SLC39A9: variants seen among roughly 807,000 people sequenced by gnomAD.
The protein encoded by SLC39A9 is zinc transporter ZIP9.
SLC39A9 carries 14 observed loss-of-function variants against 28.4 expected under a neutral mutation model. The observed-to-expected ratio is 0.49, with a 90% CI of 0.33 to 0.77. The LOEUF (loss-of-function observed/expected upper bound fraction) is 0.77. Ranked by LOEUF, SLC39A9 falls within the 30% of genes least tolerant of loss-of-function variation. The pLI is 0.02. For missense variants in SLC39A9, 283 were observed against 381.1 expected (o/e 0.74, Z 2.14); for synonymous variants, 119 against 149.6 (o/e 0.80, Z 1.49).
At chr14:69,442,374 C>T (rs1472413327) in intron 3 of SLC39A9, 108 bp downstream of exon 3, 4 of 1,052,200 alleles carry the variant, frequency 3.8e-6, no homozygotes, top group South Asian at 3.0e-5. Flanking sequence ...AGTGCTAAAA[C>T]TCTTGTCTTC....
At chr14:69,403,996 T>C (rs923644893) in intron 1 of SLC39A9, among the ~76,000 whole-genome samples, 2 of 152,118 alleles carry the variant, frequency 1.3e-5, no homozygotes, top group Non-Finnish European at 2.9e-5. Flanking sequence ...TGAACCAACA[T>C]TGCGCCATTG....
At chr14:69,415,330 T>G (rs1011465971) in intron 1 of SLC39A9, among the ~76,000 whole-genome samples, 1 of 152,242 alleles carries the variant, frequency 6.6e-6, no homozygotes, top group Admixed American at 6.5e-5. Context: ...TTAATGGGTA[T>G]GAAAAGGTAT....
At chr14:69,451,750 C>T (rs1450208545) in intron 3 of SLC39A9, among the ~76,000 whole-genome samples, 1 of 152,134 alleles carries the variant, frequency 6.6e-6, no homozygotes, top group Admixed American at 6.6e-5. Flanking sequence ...AGGTCTTGCT[C>T]TGTCACCCGG....
At chr14:69,428,361 G>T (rs1229215048) in intron 2 of SLC39A9, among the ~76,000 whole-genome samples, 2 of 151,932 alleles carry the variant, frequency 1.3e-5, no homozygotes, top group Non-Finnish European at 1.5e-5. Flanking sequence ...GAAGGGACAA[G>T]ATGATGTTGA....
At chr14:69,456,344 C>A (rs1022207627) in intron 6 of SLC39A9, among the ~76,000 whole-genome samples, 5 of 152,170 alleles carry the variant, frequency 3.3e-5, no homozygotes, top group Non-Finnish European at 7.3e-5. Flanking sequence ...AAGGGAACAA[C>A]ATACTGCTCA....
intron 5 of SLC39A9, among the ~76,000 whole-genome samples, chr14:69,455,461 G>A (rs1016364873): frequency 6.6e-6 from 1 of 151,974 alleles, no homozygotes; most frequent in East Asian, 1.9e-4. Flanking sequence ...CAAGTAGCTG[G>A]GATTACAGGT....
intron 1 of SLC39A9, among the ~76,000 whole-genome samples, chr14:69,412,144 C>CT (rs934794813): frequency 2.6e-4 from 40 of 151,668 alleles, no homozygotes; most frequent in Non-Finnish European, 5.3e-4. Flanking sequence ...AATCCCAGCA[C>CT]TTTGGGAGGC....
chr14:69,442,031 A>G (rs1405763903), intron 2 of SLC39A9, 38 bp from the exon 3 acceptor site: 1 of 1,591,164 alleles, frequency 6.3e-7, no homozygotes, highest in African/African-American at 1.4e-5. Flanking sequence ...TTTTTAGGGG[A>G]AAAACATATT....
intron 3 of SLC39A9, among the ~76,000 whole-genome samples, chr14:69,448,522 C>T (rs917754350): frequency 2.6e-5 from 4 of 151,998 alleles, no homozygotes; most frequent in Non-Finnish European, 5.9e-5. Flanking sequence ...TAAGGACATA[C>T]ACACAAAAGT....
intron 1 of SLC39A9, among the ~76,000 whole-genome samples, chr14:69,416,910 C>A (rs1168167575): frequency 2.0e-5 from 3 of 152,072 alleles, no homozygotes; most frequent in Admixed American, 6.6e-5. Flanking sequence ...ATTTTCTCCC[C>A]TTCTGTAGGT....
chr14:69,416,683 A>G (rs1447340157), intron 1 of SLC39A9, among the ~76,000 whole-genome samples: 1 of 152,150 alleles, frequency 6.6e-6, no homozygotes, highest in Non-Finnish European at 1.5e-5. Context: ...GTGAGATGGT[A>G]TCTCATTGTG....
chr14:69,449,953 C>T (rs1188301228), intron 3 of SLC39A9, among the ~76,000 whole-genome samples: 2 of 151,796 alleles, frequency 1.3e-5, no homozygotes, highest in South Asian at 4.2e-4. Flanking sequence ...TTTGGGAGGC[C>T]GAGGCGGGTG....
At chr14:69,431,601 T>G (rs1372090235) in intron 2 of SLC39A9, among the ~76,000 whole-genome samples, 1 of 151,822 alleles carries the variant, frequency 6.6e-6, no homozygotes, top group African/African-American at 2.4e-5. Flanking sequence ...AGGGGGTACA[T>G]GTACAGGTTT....
intron 1 of SLC39A9, among the ~76,000 whole-genome samples, chr14:69,401,267 G>A (rs1239707450): frequency 6.6e-6 from 1 of 152,168 alleles, no homozygotes; most frequent in African/African-American, 2.4e-5. Flanking sequence ...GGGCTGAGTA[G>A]CAGCTGTTAG....
chr14:69,401,591 C>T (rs1594894935), intron 1 of SLC39A9, among the ~76,000 whole-genome samples: 2 of 152,162 alleles, frequency 1.3e-5, no homozygotes, highest in East Asian at 1.9e-4. Context: ...ATGATTATTG[C>T]AATATGCGGA....
intron 1 of SLC39A9, among the ~76,000 whole-genome samples, chr14:69,409,358 C>A (rs1233702003): frequency 6.6e-6 from 1 of 152,110 alleles, no homozygotes; most frequent in Non-Finnish European, 1.5e-5. Context: ...GTTGTTAAGG[C>A]AAGGTCTCAC....
At chr14:69,412,561 C>T (rs937329967) in intron 1 of SLC39A9, among the ~76,000 whole-genome samples, 13 of 152,054 alleles carry the variant, frequency 8.5e-5, no homozygotes, top group Admixed American at 4.6e-4. Context: ...AAAGAGGTTC[C>T]GCTACATTTG....
At chr14:69,435,821 T>C (rs563814074) in intron 2 of SLC39A9, among the ~76,000 whole-genome samples, 2 of 152,122 alleles carry the variant, frequency 1.3e-5, no homozygotes, top group South Asian at 2.1e-4. Flanking sequence ...TACAGGGGTG[T>C]GCCACCACGC....
At chr14:69,405,669 CTT>C (rs1221427660) in intron 1 of SLC39A9, among the ~76,000 whole-genome samples, 1 of 152,140 alleles carries the variant, frequency 6.6e-6, no homozygotes, top group African/African-American at 2.4e-5. Context: ...ATCAGCTTGT[CTT>C]TTCTCAGATT....
Sources: gnomAD v4.1 joint callset for allele counts (sites outside exome capture counted in the v4.1 genomes callset) on GRCh38, gnomAD v4.1.1 for gene constraint, MANE v1.5 for transcripts, NCBI Gene and HGNC (gene_info 2026-07-23, HGNC 2026-07-21) for gene names.